CYCS: variants seen among roughly 807,000 people sequenced by gnomAD.
CYCS encodes the protein cytochrome c, somatic.
For missense variants in CYCS, 87 were observed against 125.3 expected, an observed-to-expected ratio of 0.69 and a Z score of 1.46; for synonymous variants, 41 against 43.0, an observed-to-expected ratio of 0.95 and a Z score of 0.18.
rs562640550 is a variant in CYCS at position 25,124,686 on chromosome 7, C to T, written c.-9+514G>A. The T allele has an allele frequency of 1.8e-5, 3 of 171,362 alleles. No homozygotes were observed. The East Asian group carries it at 4.6e-4, about 27-fold the overall frequency. The allele number at this position is 171,362 out of a possible 1,614,324, so 10.6% of individuals were successfully genotyped here. A position where few individuals can be genotyped will look rare whatever the true frequency, so the allele number is the denominator to read the frequency against. ...GTCCCCCGGGGACATCCCAACTCCC[C>T]TACCTGTGATCTCCTGGGGCGACCA... On this transcript the variant is annotated intron_variant, in intron 1 of 2. Coordinates refer to ENST00000305786, the MANE Select transcript of CYCS (RefSeq NM_018947.6).
rs749961896 is a variant in CYCS, at chr7:25,123,997, T to C, written c.123A>G (p.Thr41=). ...TGTAAGAGTATCCAGGGGCCTGACC[T>C]GTCTTCCGCCCAAAGAGACCATGGA... ...PNLHGLFGRK[T]GQAPGYSYTA... The change falls in exon 2 of 3, where the codon ACA becomes ACG. Residue 41 remains threonine, a synonymous_variant. Transcript: ENST00000305786. The C allele has an allele frequency of 3.1e-6, 5 of 1,614,204 alleles. No homozygotes were observed. The South Asian group carries it at 5.5e-5, about 18-fold the overall frequency.
Position 25,120,464 on chromosome 7 carries a change from T to C in CYCS, c.*3237A>G, listed in dbSNP as rs1783341762. 6.6e-6 allele frequency: 1 copy of C among 152,244 alleles called. No individual in the cohort carries two copies. The highest frequency in any genetic ancestry group is 1.5e-5 in the Non-Finnish European group (1 of 68,042). 9.4% of individuals were successfully genotyped at this position (152,244 alleles called of 1,614,324 possible). On this transcript the variant is annotated 3_prime_UTR_variant, in exon 3 of 3. Coordinates refer to ENST00000305786, the MANE Select transcript of CYCS (RefSeq NM_018947.6). ...TCTAGTCCTAGACCCAGAATGTCAA[T>C]ACAGTAGCCACTAGCCACTTGTGCC...
rs1345374787 is a variant in CYCS, at chr7:25,121,727, G to GTT, written c.*1972_*1973dup. On this transcript the variant is annotated 3_prime_UTR_variant, in exon 3 of 3. Coordinates refer to ENST00000305786, the MANE Select transcript of CYCS (RefSeq NM_018947.6). ...GTGGACGGATTGCTTGAGCTCAGGA[G>GTT]TTTGAGACCAGCCTGGGACCACATG... 1 of 152,170 alleles carries GTT rather than the reference G, an allele frequency of 6.6e-6. No individual in the cohort carries two copies. The highest frequency in any genetic ancestry group is 1.9e-4 in the East Asian group (1 of 5,186). 9.4% of individuals were successfully genotyped at this position (152,170 alleles called of 1,614,324 possible). A position where few individuals can be genotyped will look rare whatever the true frequency, so the allele number is the denominator to read the frequency against.
chr7:25,124,205 CT>C, intron 1 of CYCS, 78 bp from the exon 2 acceptor site: 1 of 1,067,120 alleles, frequency 9.4e-7, no homozygotes, highest in Non-Finnish European at 1.4e-6. Context: ...ACTCTAGCCA[CT>C]TAATTACCAA....
rs1301140579 is a variant in CYCS, at chr7:25,120,934, G to A, written c.*2767C>T. ...GACGTCGGGAGTTCAAGACCAGCCT[G>A]TCCAGCATGGAGAAACCCTGTCTCT... On this transcript the variant is annotated 3_prime_UTR_variant, in exon 3 of 3. Coordinates refer to ENST00000305786, the MANE Select transcript of CYCS (RefSeq NM_018947.6). 1 of 152,048 alleles carries A rather than the reference G, an allele frequency of 6.6e-6. No homozygotes were observed. Among genetic ancestry groups the A allele is most frequent in the Non-Finnish European group, 1.5e-5 (1 of 68,040 alleles). 9.4% of individuals were successfully genotyped at this position (152,048 alleles called of 1,614,324 possible).
Position 25,120,697 on chromosome 7 carries a change from T to C in CYCS, c.*3004A>G, listed in dbSNP as rs527935971. 1 of 152,380 alleles carries C rather than the reference T, an allele frequency of 6.6e-6. No homozygotes were observed. The highest frequency in any genetic ancestry group is 2.4e-5 in the African/African-American group (1 of 41,592). The allele number at this position is 152,380 out of a possible 1,614,324, so 9.4% of individuals were successfully genotyped here. A position where few individuals can be genotyped will look rare whatever the true frequency, so the allele number is the denominator to read the frequency against. The stretch of plus-strand genomic sequence containing the variant: ...ACCCCTTAAATACATCTGGCCCTTG[T>C]TTTTGATTCTACCAACCTAGCCACT... On this transcript the variant is annotated 3_prime_UTR_variant, in exon 3 of 3. Transcript: ENST00000305786.
Position 25,123,707 on chromosome 7 carries a change from A to G in CYCS, c.312T>C (p.Asn104=). The change falls in exon 3 of 3, where the codon AAT becomes AAC. Residue 104 remains asparagine (N), a synonymous_variant. Transcript: ENST00000305786. ...DLIAYLKKAT[N]E ...ATAAGGCAGTGGCCAATTATTACTCATTAGTAGCTTTTTTGAGATAAGCTA... is the reference window on the plus strand; with the variant it reads ...ATAAGGCAGTGGCCAATTATTACTCGTTAGTAGCTTTTTTGAGATAAGCTA... 1.2e-6 allele frequency: 2 copies of G among 1,600,258 alleles called. No individual in the cohort carries two copies. The highest frequency in any genetic ancestry group is 1.7e-6 in the Non-Finnish European group (2 of 1,179,822).
chr7:25,124,709 C>G (rs1449681978), intron 1 of CYCS: 1 of 159,762 alleles, frequency 6.3e-6, no homozygotes, highest in Non-Finnish European at 1.4e-5. Context: ...CCTGGGGCGA[C>G]CACGAGGTCA....
rs756997186 is a variant in CYCS at position 25,119,663 on chromosome 7, C to G, written c.*4038G>C. ...TAGCACAATCACAGCTACACTGCAG[C>G]CTCGAACTTCTGGGCACAAGCAGTC... On this transcript the variant is annotated 3_prime_UTR_variant, in exon 3 of 3. Coordinates refer to ENST00000305786, the MANE Select transcript of CYCS (RefSeq NM_018947.6). Among the ~76,000 whole-genome samples the G allele has an allele frequency of 3.3e-4, 51 of 152,246 alleles. No individual in the cohort carries two copies. Among genetic ancestry groups the G allele is most frequent in the East Asian group, 7.7e-4 (4 of 5,184 alleles).
Position 25,119,893 on chromosome 7 carries a change from T to C in CYCS, c.*3808A>G, listed in dbSNP as rs1311985812. 2.0e-5 allele frequency among the ~76,000 whole-genome samples: 3 copies of C among 152,162 alleles called. No homozygotes were observed. The highest frequency in any genetic ancestry group is 6.5e-5 in the Admixed American group (1 of 15,272). ...ATCTTCAGTGGTTAAAGCAAAACTG[T>C]ACATCTATAAAGGAATTCAAGAGAA... On this transcript the variant is annotated 3_prime_UTR_variant, in exon 3 of 3. Transcript: ENST00000305786.
At chr7:25,124,183 AAATG>A (rs1220475337) in intron 1 of CYCS, 56 bp from the exon 2 acceptor site, 92 of 1,373,982 alleles carry the variant, frequency 6.7e-5, no homozygotes, top group Non-Finnish European at 9.1e-5. Flanking sequence ...AATACAGTGT[AAATG>A]AATGACCACT....
In CYCS at chr7:25,118,870, T is replaced by C. The variant is rs576448458; in HGVS notation, c.*4831A>G. 1.5e-4 allele frequency among the ~76,000 whole-genome samples: 23 copies of C among 152,300 alleles called. No individual in the cohort carries two copies. The highest frequency in any genetic ancestry group is 4.1e-4 in the South Asian group (2 of 4,830). On this transcript the variant is annotated 3_prime_UTR_variant, in exon 3 of 3. Transcript: ENST00000305786. ...CACATACAACCTGCACTTTTACTCT[T>C]TGAGAAATGAATGCAGTAAATTTAC...
Position 25,123,082 on chromosome 7 carries a change from T to C in CYCS, c.*619A>G, listed in dbSNP as rs1562515677. 6.5e-6 allele frequency: 1 copy of C among 154,104 alleles called. No individual in the cohort carries two copies. Among genetic ancestry groups the C allele is most frequent in the South Asian group, 2.0e-4 (1 of 4,982 alleles). 9.5% of individuals were successfully genotyped at this position (154,104 alleles called of 1,614,324 possible). ...ACTATTTTAAAAGCATGTGACCTTATAGATCTGTAAGATGTGAGAGGTGTT... is the reference window on the plus strand; with the variant it reads ...ACTATTTTAAAAGCATGTGACCTTACAGATCTGTAAGATGTGAGAGGTGTT... On this transcript the variant is annotated 3_prime_UTR_variant, in exon 3 of 3. Transcript: ENST00000305786.
rs1783388420 is a variant in CYCS at position 25,123,145 on chromosome 7, T to C, written c.*556A>G. 6.2e-6 allele frequency: 1 copy of C among 161,032 alleles called. No homozygotes were observed. The highest frequency in any genetic ancestry group is 2.4e-5 in the African/African-American group (1 of 41,508). The allele number at this position is 161,032 out of a possible 1,614,324, so 10.0% of individuals were successfully genotyped here. The stretch of plus-strand genomic sequence containing the variant: ...ATATTACACATAAACCACACTAAAA[T>C]GCCTTTCAATAAGTAAAAGAAACCA... On this transcript the variant is annotated 3_prime_UTR_variant, in exon 3 of 3. Coordinates refer to ENST00000305786, the MANE Select transcript of CYCS (RefSeq NM_018947.6).
intron 1 of CYCS, among the ~76,000 whole-genome samples, chr7:25,124,512 C>A (rs991816686): frequency 2.0e-5 from 3 of 152,206 alleles, no homozygotes. Flanking sequence ...ACCATTTAAT[C>A]TTACTACAAT....
rs750082433 is a variant in CYCS at position 25,122,923 on chromosome 7, T to G, written c.*778A>C. ...CTCCGTTACTTTAATCCTTTTAAGTTGGCAAAAGCACCATTCCCAATCAAA... is the reference window on the plus strand; with the variant it reads ...CTCCGTTACTTTAATCCTTTTAAGTGGGCAAAAGCACCATTCCCAATCAAA... On this transcript the variant is annotated 3_prime_UTR_variant, in exon 3 of 3. Transcript: ENST00000305786. 3 of 152,270 alleles carry G rather than the reference T, an allele frequency of 2.0e-5. No individual in the cohort carries two copies. The highest frequency in any genetic ancestry group is 2.9e-5 in the Non-Finnish European group (2 of 68,048). 9.4% of individuals were successfully genotyped at this position (152,270 alleles called of 1,614,324 possible).
rs1391411513 is a variant in CYCS at position 25,118,989 on chromosome 7, T to C, written c.*4712A>G. ...TAACCTGGAACCTATTAAATGGATA[T>C]CCAACATTTTGTACTGAACTCTAAG... On this transcript the variant is annotated 3_prime_UTR_variant, in exon 3 of 3. Coordinates refer to ENST00000305786, the MANE Select transcript of CYCS (RefSeq NM_018947.6). Among the ~76,000 whole-genome samples the C allele has an allele frequency of 6.6e-6, 1 of 152,142 alleles. No homozygotes were observed. Among genetic ancestry groups the C allele is most frequent in the Non-Finnish European group, 1.5e-5 (1 of 68,018 alleles).
rs371993166 is a variant in CYCS, at chr7:25,119,578, C to CTT, written c.*4121_*4122dup. ...GGCATGACCTACTGCACCCAGACCA[C>CTT]TTTTTTTTTTTTTAAAAGAGATGGA... On this transcript the variant is annotated 3_prime_UTR_variant, in exon 3 of 3. Coordinates refer to ENST00000305786, the MANE Select transcript of CYCS (RefSeq NM_018947.6). Among the ~76,000 whole-genome samples the CTT allele has an allele frequency of 3.9e-4, 55 of 141,040 alleles. No homozygotes were observed. The highest frequency in any genetic ancestry group is 7.8e-4 in the Admixed American group (11 of 14,086). 92.5% of individuals were successfully genotyped at this position (141,040 alleles called of 152,430 possible).
rs1386348110 is a variant in CYCS at position 25,120,053 on chromosome 7, T to G, written c.*3648A>C. 6.6e-6 allele frequency: 1 copy of G among 152,056 alleles called. No homozygotes were observed. Among genetic ancestry groups the G allele is most frequent in the Admixed American group, 6.6e-5 (1 of 15,256 alleles). The allele number at this position is 152,056 out of a possible 1,614,324, so 9.4% of individuals were successfully genotyped here. ...GAGCACAACAGGAACTGGAATCTAT[T>G]CTGAAGGGCAATATAATGTACTTCC... On this transcript the variant is annotated 3_prime_UTR_variant, in exon 3 of 3. Transcript: ENST00000305786.
Sources: gnomAD v4.1 joint callset for allele counts (sites outside exome capture counted in the v4.1 genomes callset) on GRCh38, gnomAD v4.1.1 for gene constraint, MANE v1.5 for transcripts, NCBI Gene and HGNC (gene_info 2026-07-23, HGNC 2026-07-21) for gene names.